The following MEF2A variants were observed in gnomAD, a reference collection of about 807,000 sequenced individuals.
MEF2A encodes myocyte-specific enhancer factor 2A.
A neutral mutation model predicts 55.8 loss-of-function variants in MEF2A; 28 were observed. The observed-to-expected ratio is 0.50, with a 90% CI of 0.37 to 0.69. The LOEUF (loss-of-function observed/expected upper bound fraction) is 0.69, where lower values mean the gene tolerates loss of function less well. Among genes scored for constraint, MEF2A ranks in the 30% least tolerant of loss-of-function variants. The pLI is 0.00. For synonymous variants in MEF2A, 239 were observed against 227.1 expected, an observed-to-expected ratio of 1.05 and a Z score of -0.47; for missense variants, 528 against 626.2, an observed-to-expected ratio of 0.84 and a Z score of 1.67.
Position 99,600,312 on chromosome 15 carries a change from A to G in MEF2A, c.-143+1801A>G, listed in dbSNP as rs189807733. ...TCTTATCCTTCATGACGGGCCTTCT[A>G]TGGTTCTATGGGTTGTGCCTGAGTT... On this transcript the variant is annotated intron_variant, in intron 2 of 11. Transcript: ENST00000557942. Among the ~76,000 whole-genome samples, 579 of 152,206 alleles carry G rather than the reference A, an allele frequency of 3.8e-3. 4 individuals are homozygous for G. Among genetic ancestry groups the G allele is most frequent in the African/African-American group, 0.013 (531 of 41,532 alleles).
chr15:99,653,956 A>G (rs1201471459), intron 4 of MEF2A, among the ~76,000 whole-genome samples: 1 of 152,164 alleles, frequency 6.6e-6, no homozygotes, highest in Admixed American at 6.5e-5. Context: ...GCTCTGAAAA[A>G]AGAACGTAGA....
chr15:99,671,745 G>GA, intron 5 of MEF2A: 1 of 1,307,154 alleles, frequency 7.7e-7, no homozygotes, highest in Non-Finnish European at 1.0e-6. Context: ...AGTGGGTGAT[G>GA]ACAACAATAA....
At chr15:99,634,638 A>C (rs576440720) in intron 3 of MEF2A, among the ~76,000 whole-genome samples, 1 of 152,346 alleles carries the variant, frequency 6.6e-6, no homozygotes, top group South Asian at 2.1e-4. Flanking sequence ...TACCTATGGA[A>C]GGGATTCACA....
intron 2 of MEF2A, among the ~76,000 whole-genome samples, chr15:99,630,317 T>A (rs533628036): frequency 6.6e-6 from 1 of 152,280 alleles, no homozygotes; most frequent in African/African-American, 2.4e-5. Context: ...TCTAGGTGTT[T>A]TATTGTTTCC....
intron 2 of MEF2A, among the ~76,000 whole-genome samples, chr15:99,601,998 G>A (rs1192596375): frequency 1.3e-5 from 2 of 152,090 alleles, no homozygotes; most frequent in Non-Finnish European, 2.9e-5. Context: ...TTGTGGGAAG[G>A]TTTTAAACTG....
rs147519080 is a variant in MEF2A, at chr15:99,702,489, G to A, written c.859-873G>A. 8.0e-3 allele frequency among the ~76,000 whole-genome samples: 1,186 copies of A among 148,492 alleles called. 16 individuals carry two copies. The highest frequency in any genetic ancestry group is 0.027 in the African/African-American group (1,107 of 40,278). On this transcript the variant is annotated intron_variant, in intron 8 of 11. Coordinates refer to ENST00000557942, the MANE Select transcript of MEF2A (RefSeq NM_001319206.4). ...GTCACCCAGGCTGGAGTGCAGTGGCGTGATCTCAGCTCACTGTAACCTCTG... is the reference window on the plus strand; with the variant it reads ...GTCACCCAGGCTGGAGTGCAGTGGCATGATCTCAGCTCACTGTAACCTCTG...
chr15:99,615,780 A>T (rs1271427279), intron 2 of MEF2A, among the ~76,000 whole-genome samples: 1 of 152,194 alleles, frequency 6.6e-6, no homozygotes, highest in Non-Finnish European at 1.5e-5. Flanking sequence ...GTGAACTTTT[A>T]TGGAAGACCT....
intron 8 of MEF2A, among the ~76,000 whole-genome samples, chr15:99,699,972 GTGTGTGTGTGTGTATA>G: frequency 1.0e-5 from 1 of 98,742 alleles, no homozygotes; most frequent in South Asian, 5.0e-4. Flanking sequence ...GTGTGTGTGT[GTGTGTGTGTGTGTATA>G]TATATATATA....
intron 7 of MEF2A, among the ~76,000 whole-genome samples, chr15:99,677,733 G>A (rs1379330223): frequency 1.3e-5 from 2 of 152,142 alleles, no homozygotes; most frequent in Non-Finnish European, 2.9e-5. Context: ...AAAACTCAAC[G>A]TGGAATACAG....
chr15:99,575,290 T>C (rs1470079957), intron 1 of MEF2A, among the ~76,000 whole-genome samples: 3 of 152,232 alleles, frequency 2.0e-5, no homozygotes, highest in Non-Finnish European at 4.4e-5. Flanking sequence ...TCCAATATTA[T>C]ACAATGCATT....
intron 1 of MEF2A, among the ~76,000 whole-genome samples, chr15:99,598,039 A>C (rs1290504364): frequency 6.6e-6 from 1 of 152,216 alleles, no homozygotes; most frequent in Non-Finnish European, 1.5e-5. Context: ...AACATTTTAA[A>C]CTATTTAAAA....
rs957193314 is a variant in MEF2A at position 99,703,758 on chromosome 15, C to G, written c.882+373C>G. ...CCTCGAAGTTCCTCAGATTGTAACA[C>G]ACGATGTTGTGTTGTTTCTCTTTCA... On this transcript the variant is annotated intron_variant, in intron 9 of 11. Coordinates refer to ENST00000557942, the MANE Select transcript of MEF2A (RefSeq NM_001319206.4). Among the ~76,000 whole-genome samples, 4 of 152,172 alleles carry G rather than the reference C, an allele frequency of 2.6e-5. No individual in the cohort carries two copies. In the South Asian group the frequency reaches 8.3e-4, roughly 32 times the overall value.
At chr15:99,662,217 T>C (rs1046675169) in intron 4 of MEF2A, among the ~76,000 whole-genome samples, 1 of 152,134 alleles carries the variant, frequency 6.6e-6, no homozygotes, top group African/African-American at 2.4e-5. Flanking sequence ...CCTTGGTCTA[T>C]TTTTTTGACT....
intron 2 of MEF2A, among the ~76,000 whole-genome samples, chr15:99,626,110 T>G (rs1328080355): frequency 6.6e-6 from 1 of 152,194 alleles, no homozygotes; most frequent in Admixed American, 6.5e-5. Context: ...AGGTTTTTAA[T>G]TACCAATTCA....
chr15:99,587,138 A>G (rs558460432), intron 1 of MEF2A, among the ~76,000 whole-genome samples: 1 of 152,010 alleles, frequency 6.6e-6, no homozygotes, highest in African/African-American at 2.4e-5. Context: ...TACATATGCC[A>G]TGGTGGTTTG....
At chr15:99,680,362 C>T (rs1387040119) in intron 7 of MEF2A, among the ~76,000 whole-genome samples, 3 of 152,130 alleles carry the variant, frequency 2.0e-5, no homozygotes, top group African/African-American at 7.2e-5. Flanking sequence ...AAAAATACTA[C>T]TCTTACTTAC....
intron 1 of MEF2A, among the ~76,000 whole-genome samples, chr15:99,579,077 A>G (rs1596253490): frequency 6.6e-6 from 1 of 152,276 alleles, no homozygotes; most frequent in East Asian, 1.9e-4. Flanking sequence ...TTTCATTTGA[A>G]TCACTTCTTT....
chr15:99,611,774 C>G (rs1274657928), intron 2 of MEF2A, among the ~76,000 whole-genome samples: 3 of 152,192 alleles, frequency 2.0e-5, no homozygotes, highest in African/African-American at 4.8e-5. Flanking sequence ...ACTCAGATGT[C>G]TATCACCTGA....
chr15:99,601,125 ATC>A (rs1433942616), intron 2 of MEF2A, among the ~76,000 whole-genome samples: 3 of 152,186 alleles, frequency 2.0e-5, no homozygotes, highest in Non-Finnish European at 4.4e-5. Context: ...TGTTAAATTC[ATC>A]TCTAATTATT....
Sources: allele counts gnomAD v4.1 joint callset (sites outside exome capture counted in the v4.1 genomes callset), GRCh38; gene constraint gnomAD v4.1.1; transcripts MANE v1.5; gene names NCBI Gene and HGNC (gene_info 2026-07-23, HGNC 2026-07-21).